The following DNAH9 variants were observed in gnomAD, a reference collection of about 807,000 sequenced individuals.
DNAH9 encodes the protein dynein axonemal heavy chain 9.
DNAH9 carries 345 observed loss-of-function variants against 471.6 expected under a neutral mutation model. The ratio of observed to expected loss-of-function variants is 0.73; its 90% CI spans 0.67 to 0.80. The LOEUF (loss-of-function observed/expected upper bound fraction) is 0.80. Ranked by LOEUF, DNAH9 falls within the 30% of genes least tolerant of loss-of-function variation. The pLI is 0.00. For synonymous variants in DNAH9, 2,093 were observed against 2,123.6 expected (o/e 0.99, Z 0.40); for missense variants, 5,407 against 5,609.2 (o/e 0.96, Z 1.15).
At position 11,827,517 on chromosome 17, in the gene DNAH9, T is replaced by C. The variant is rs192759878; in HGVS notation, c.9246+4483T>C. Among the ~76,000 whole-genome samples, 775 of 152,252 alleles carry C rather than the reference T, an allele frequency of 5.1e-3. 22 individuals are homozygous for C. The highest frequency in any genetic ancestry group is 0.046 in the Admixed American group (705 of 15,294). On this transcript the variant is annotated intron_variant, in intron 48 of 68. Coordinates refer to ENST00000262442, the MANE Select transcript of DNAH9 (RefSeq NM_001372.4). ...AACTCACTAACTCCCACAAGTGCAG[T>C]GCCGAGGGGATGGTACTAAGCCATT...
At chr17:11,963,978 G>C (rs1471070957) in intron 68 of DNAH9, among the ~76,000 whole-genome samples, 1 of 152,172 alleles carries the variant, frequency 6.6e-6, no homozygotes, top group Non-Finnish European at 1.5e-5. Flanking sequence ...GTATGGGATG[G>C]TTTCTGCTTC....
intron 45 of DNAH9, 83 bp from the exon 46 acceptor site, chr17:11,821,837 C>T (rs1474032190): frequency 6.7e-7 from 1 of 1,497,594 alleles, no homozygotes; most frequent in Non-Finnish European, 9.0e-7. Context: ...GACCTGTGTC[C>T]TAAGGTAGGA....
intron 48 of DNAH9, 103 bp downstream of exon 48, chr17:11,823,137 G>T (rs1239111102): frequency 1.0e-6 from 1 of 999,406 alleles, no homozygotes; most frequent in Admixed American, 2.8e-5. Flanking sequence ...TGAAAAATAT[G>T]TACGGTTTTC....
At chr17:11,706,613 G>A (rs2074706073) in intron 26 of DNAH9, among the ~76,000 whole-genome samples, 1 of 152,142 alleles carries the variant, frequency 6.6e-6, no homozygotes, top group African/African-American at 2.4e-5. Context: ...AAGGCTTCAG[G>A]GAAGAGATGG....
intron 19 of DNAH9, among the ~76,000 whole-genome samples, chr17:11,682,396 C>T (rs563143506): frequency 1.3e-5 from 2 of 152,094 alleles, no homozygotes; most frequent in South Asian, 4.1e-4. Flanking sequence ...GGACTACAAG[C>T]ATGCTCATGT....
Position 11,690,348 on chromosome 17 carries a change from T to C in DNAH9, c.4526T>C (p.Ile1509Thr). ...QKKLSTVDAV[I>T]SIWFEVQRTW... ...AAGCTGTCCACAGTGGACGCTGTCA[T>C]CTCTATCTGGTTTGAAGTGCAGCGA... The change falls in exon 20 of 69, where the codon ATC becomes ACC. Residue 1509 changes from isoleucine to threonine, a missense_variant. Ile to Thr is a moderately conservative substitution (Grantham distance 89). Transcript: ENST00000262442. The C allele has an allele frequency of 6.2e-7, 1 of 1,614,114 alleles. No individual in the cohort carries two copies. The highest frequency in any genetic ancestry group is 8.5e-7 in the Non-Finnish European group (1 of 1,180,010).
intron 48 of DNAH9, among the ~76,000 whole-genome samples, chr17:11,826,860 T>C (rs1296092654): frequency 6.9e-6 from 1 of 144,358 alleles, no homozygotes; most frequent in Non-Finnish European, 1.5e-5. Flanking sequence ...AGTCTGGCTG[T>C]ATCGCCCAGG....
chr17:11,842,721 G>C (rs1439466689), intron 49 of DNAH9, among the ~76,000 whole-genome samples: 3 of 152,182 alleles, frequency 2.0e-5, no homozygotes, highest in Non-Finnish European at 4.4e-5. Flanking sequence ...CAGCAAGTCA[G>C]CTTCTCCCAC....
rs1302066496 is a variant in DNAH9 at position 11,886,808 on chromosome 17, GT to G, written c.10972-14del. The G allele has an allele frequency of 1.2e-6, 2 of 1,602,530 alleles. No individual in the cohort carries two copies. Among genetic ancestry groups the G allele is most frequent in the African/African-American group, 2.7e-5 (2 of 74,694 alleles). On this transcript the variant is annotated splice_polypyrimidine_tract_variant and intron_variant, in intron 56 of 68. Coordinates refer to ENST00000262442, the MANE Select transcript of DNAH9 (RefSeq NM_001372.4). ...AGGTTGGTTGGAACAGTGGGCTGCT[GT>G]TTATTTTTCCAACAGGTCCAGGAGG...
In DNAH9 at chr17:11,933,915, G is replaced by T; in HGVS notation, c.12333G>T (p.Glu4111Asp). 1 of 1,614,114 alleles carries T rather than the reference G, an allele frequency of 6.2e-7. No individual in the cohort carries two copies. Among genetic ancestry groups the T allele is most frequent in the African/African-American group, 1.3e-5 (1 of 75,032 alleles). The change falls in exon 65 of 69, where the codon GAG becomes GAT. Residue 4111 changes from glutamate (E) to aspartate (D), a missense_variant. Glu to Asp is a conservative substitution (Grantham distance 45, BLOSUM62 2). Around this residue, in one of 3 missense-constraint regions of DNAH9, gnomAD observed 4,636 missense variants for 4,900.3 expected, o/e 0.95. Coordinates refer to ENST00000262442, the MANE Select transcript of DNAH9 (RefSeq NM_001372.4). ...ATGATTTGCGCTACCTGTTTGGAGA[G>T]ATCATGTATGGAGGCCATATCACAG... ...PYDDLRYLFG[E>D]IMYGGHITDD... is the part of the protein sequence containing the mutation.
At chr17:11,763,687 T>C (rs1310972811) in intron 36 of DNAH9, 73 bp downstream of exon 36, 6 of 1,422,130 alleles carry the variant, frequency 4.2e-6, no homozygotes, top group Non-Finnish European at 4.8e-6. Flanking sequence ...TAGCAAAGAT[T>C]TGGAAGACAG....
intron 45 of DNAH9, among the ~76,000 whole-genome samples, chr17:11,813,161 C>G (rs1324444020): frequency 6.6e-6 from 1 of 151,888 alleles, no homozygotes; most frequent in Non-Finnish European, 1.5e-5. Flanking sequence ...AAAGCCCTCC[C>G]AGTGAAAATG....
chr17:11,891,795 C>T lies in DNAH9; in HGVS notation c.11131C>T (p.Gln3711Ter). Residue 3711 changes from glutamine (Q) to a stop codon, truncating the protein, a stop_gained, in exon 58 of 69, where the codon CAG (glutamine) becomes TAG (stop). Coordinates refer to ENST00000262442, the MANE Select transcript of DNAH9 (RefSeq NM_001372.4). LOFTEE classifies it high-confidence loss of function. ...FSLKAFSIVF[Q>*]KAVERAAPDE... Reference sequence around the variant, plus strand: ...TCCCCAGGCCTTCAGTATCGTCTTCCAGAAGGCTGTGGAGAGGGCTGCTCC... The same window carrying T: ...TCCCCAGGCCTTCAGTATCGTCTTCTAGAAGGCTGTGGAGAGGGCTGCTCC... 6 of 1,614,092 alleles carry T rather than the reference C, an allele frequency of 3.7e-6. No individual in the cohort carries two copies. Among genetic ancestry groups the T allele is most frequent in the Non-Finnish European group, 5.1e-6 (6 of 1,179,994 alleles).
chr17:11,647,026 G>GC (rs777770376), intron 11 of DNAH9, 46 bp from the exon 12 acceptor site: 42 of 1,604,980 alleles, frequency 2.6e-5, no homozygotes, highest in Non-Finnish European at 3.6e-5. Context: ...GCACCGGTGA[G>GC]CTGGGAGGGG....
intron 61 of DNAH9, among the ~76,000 whole-genome samples, chr17:11,920,021 G>A (rs187039653): frequency 2.7e-5 from 4 of 148,840 alleles, no homozygotes; most frequent in African/African-American, 5.0e-5. Flanking sequence ...AAATGAAATG[G>A]AGCTAAGTTC....
intron 22 of DNAH9, among the ~76,000 whole-genome samples, chr17:11,694,857 C>T (rs1156862250): frequency 1.7e-3 from 1 of 574 alleles, no homozygotes; most frequent in African/African-American, 2.6e-3. Context: ...TCCTTCCTTC[C>T]TTCCTTCCTT....
chr17:11,843,127 A>C (rs1971086965), intron 49 of DNAH9, among the ~76,000 whole-genome samples: 1 of 152,224 alleles, frequency 6.6e-6, no homozygotes, highest in Non-Finnish European at 1.5e-5. Flanking sequence ...ACGTAGAGAA[A>C]GTGCAATGAC....
intron 43 of DNAH9, among the ~76,000 whole-genome samples, chr17:11,800,593 A>C (rs1358918948): frequency 6.6e-6 from 1 of 151,890 alleles, no homozygotes; most frequent in Non-Finnish European, 1.5e-5. Context: ...TCTTTGTCTT[A>C]CTTTCTCACT....
intron 59 of DNAH9, among the ~76,000 whole-genome samples, chr17:11,900,087 T>A (rs1973355811): frequency 7.9e-6 from 1 of 126,100 alleles, no homozygotes; most frequent in Non-Finnish European, 1.8e-5. Flanking sequence ...TGACTTGGCC[T>A]CATTTTCCAA....
Sources: allele counts gnomAD v4.1 joint callset (sites outside exome capture counted in the v4.1 genomes callset), GRCh38; gene constraint gnomAD v4.1.1; regional missense constraint gnomAD v4.1.1; transcripts MANE v1.5; gene names NCBI Gene and HGNC (gene_info 2026-07-23, HGNC 2026-07-21).